AARS1: variants seen among roughly 807,000 people sequenced by gnomAD.
The protein encoded by AARS1 is alanyl-tRNA synthetase 1.
Under a neutral mutation model 108.9 loss-of-function variants are expected in AARS1, and 72 were observed. The ratio of observed to expected loss-of-function variants is 0.66; its 90% CI spans 0.55 to 0.80. The LOEUF (loss-of-function observed/expected upper bound fraction) is 0.80. AARS1 is among the 30% of genes least tolerant of loss of function. AARS1 has a pLI of 0.00. For missense variants in AARS1, 1,193 were observed against 1,233.2 expected, an observed-to-expected ratio of 0.97 and a Z score of 0.49; for synonymous variants, 489 against 465.7, an observed-to-expected ratio of 1.05 and a Z score of -0.64.
chr16:70,279,350 CAAAA>C (rs57438636), intron 2 of AARS1, among the ~76,000 whole-genome samples: 28 of 37,802 alleles, frequency 7.4e-4, no homozygotes, highest in African/African-American at 3.2e-3. Context: ...AACTTCATCT[CAAAA>C]AAAAAAAAAA....
Position 70,268,258 on chromosome 16 carries a change from G to T in AARS1, c.1071+13C>A. On this transcript the variant is annotated intron_variant, in intron 8 of 20. Transcript: ENST00000261772. ...GCTTTAGCACAGAAGGGTAAGCAGA[G>T]AAATAAACCTACCAGGGACTGGACG... The T allele has an allele frequency of 6.2e-7, 1 of 1,611,172 alleles. No homozygotes were observed. Among genetic ancestry groups the T allele is most frequent in the Non-Finnish European group, 8.5e-7 (1 of 1,177,304 alleles).
intron 1 of AARS1, among the ~76,000 whole-genome samples, chr16:70,283,158 G>A (rs1960746094): frequency 6.6e-6 from 1 of 152,180 alleles, no homozygotes; most frequent in South Asian, 2.1e-4. Flanking sequence ...CAACACTTTG[G>A]GAGGGCAAGG....
At chr16:70,269,496 T>G (rs1213192213) in intron 7 of AARS1, 122 bp downstream of exon 7, 4 of 1,422,282 alleles carry the variant, frequency 2.8e-6, no homozygotes, top group Non-Finnish European at 3.8e-6. Flanking sequence ...ATCACGCCAT[T>G]GTACTCCAGC....
chr16:70,276,765 G>A (rs1343608775), intron 3 of AARS1, 134 bp from the exon 4 acceptor site: 7 of 1,224,278 alleles, frequency 5.7e-6, no homozygotes, highest in Non-Finnish European at 1.2e-6. Flanking sequence ...ATCAGTTTAT[G>A]TAAGAAATCC....
intron 13 of AARS1, among the ~76,000 whole-genome samples, 167 bp downstream of exon 13, chr16:70,260,877 T>C (rs999179504): frequency 2.0e-5 from 3 of 152,086 alleles, no homozygotes; most frequent in Non-Finnish European, 4.4e-5. Flanking sequence ...TTAGCCAGGA[T>C]GGTCTCGATC....
At chr16:70,264,117 G>A (rs557947388) in intron 11 of AARS1, among the ~76,000 whole-genome samples, 10 of 151,356 alleles carry the variant, frequency 6.6e-5, no homozygotes, top group South Asian at 2.1e-4. Context: ...GTGGTGGTGC[G>A]TGGCTGTAAT....
At chr16:70,274,235 G>A (rs959382904) in intron 4 of AARS1, among the ~76,000 whole-genome samples, 1 of 151,706 alleles carries the variant, frequency 6.6e-6, no homozygotes, top group African/African-American at 2.4e-5. Flanking sequence ...CAGCTACTCG[G>A]GAGGCTGAGA....
In AARS1 at chr16:70,253,912, G is replaced by A; in HGVS notation, c.2520+7C>T. Reference sequence around the variant, plus strand: ...ACACTCTGGCCACTGGTGCTGCCAGGACTCACTCGTTTCTGGACATCGGCT... The same window carrying A: ...ACACTCTGGCCACTGGTGCTGCCAGAACTCACTCGTTTCTGGACATCGGCT... On this transcript the variant is annotated splice_region_variant and intron_variant, in intron 18 of 20. Coordinates refer to ENST00000261772, the MANE Select transcript of AARS1 (RefSeq NM_001605.3). 2.5e-6 allele frequency: 4 copies of A among 1,614,214 alleles called. No individual in the cohort carries two copies. Among genetic ancestry groups the A allele is most frequent in the Non-Finnish European group, 2.5e-6 (3 of 1,180,046 alleles).
At chr16:70,263,198 T>A (rs566274676) in intron 11 of AARS1, among the ~76,000 whole-genome samples, 2 of 151,756 alleles carry the variant, frequency 1.3e-5, no homozygotes, top group Admixed American at 1.3e-4. Flanking sequence ...TCTTTAAGAG[T>A]AGTAATAAAT....
rs773483658 is a variant in AARS1 at position 70,258,207 on chromosome 16, G to A, written c.2003C>T (p.Thr668Ile). ...EMIEAAKAVY[T>I]QDCPLAAAKA... ...CGCTGCTGCCAGGGGGCAATCCTGG[G>A]TATAGACGGCCTGCCAGACCAAGAA... Residue 668 changes from threonine (T) to isoleucine (I), a missense_variant, in exon 15 of 21, where the codon ACC becomes ATC. Coordinates refer to ENST00000261772, the MANE Select transcript of AARS1 (RefSeq NM_001605.3). The A allele has an allele frequency of 3.1e-6, 5 of 1,593,402 alleles. No individual in the cohort carries two copies. Among genetic ancestry groups the A allele is most frequent in the Admixed American group, 1.7e-5 (1 of 57,326 alleles).
chr16:70,274,295 C>T (rs1471511998), intron 4 of AARS1, among the ~76,000 whole-genome samples: 9 of 150,612 alleles, frequency 6.0e-5, no homozygotes, highest in Admixed American at 1.3e-4. Context: ...GAGCCAAGAT[C>T]GCACCATCAC....
At chr16:70,276,920 G>C in intron 3 of AARS1, 46 bp downstream of exon 3, 2 of 1,597,646 alleles carry the variant, frequency 1.3e-6, no homozygotes, top group Non-Finnish European at 1.7e-6. Flanking sequence ...GTGTGGAAAA[G>C]ACCATTTTCC....
chr16:70,276,333 C>T, intron 4 of AARS1, 153 bp downstream of exon 4: 1 of 830,834 alleles, frequency 1.2e-6, no homozygotes, highest in Non-Finnish European at 2.0e-6. Context: ...CTCCTGGGTT[C>T]AAGCGATTCT....
At chr16:70,256,438 T>C (rs1283583241) in intron 15 of AARS1, among the ~76,000 whole-genome samples, 2 of 152,062 alleles carry the variant, frequency 1.3e-5, no homozygotes, top group Non-Finnish European at 2.9e-5. Context: ...CCAAGTAGCT[T>C]GGATACAGGT....
rs778226080 is a variant in AARS1, at chr16:70,258,088, C to A, written c.2122G>T (p.Asp708Tyr). The A allele has an allele frequency of 6.2e-7, 1 of 1,614,112 alleles. No homozygotes were observed. Among genetic ancestry groups the A allele is most frequent in the South Asian group, 1.1e-5 (1 of 91,068 alleles). The change falls in exon 15 of 21, where the codon GAT (aspartate) becomes TAT (tyrosine). Residue 708 changes from aspartate to tyrosine, a missense_variant. Coordinates refer to ENST00000261772, the MANE Select transcript of AARS1 (RefSeq NM_001605.3). ...GAGCCAGCAGGCCCAGAGGGGTCAT[C>A]CAGCAACTCGGACACCGGGACCCCA... is the stretch of plus-strand genomic sequence containing the variant. ...SIGVPVSELLDDPSGPAGSLT... is the reference protein window; with the variant it reads ...SIGVPVSELLYDPSGPAGSLT...
chr16:70,265,340 T>G, intron 10 of AARS1, 198 bp downstream of exon 10: 1 of 995,844 alleles, frequency 1.0e-6, no homozygotes, highest in Non-Finnish European at 1.5e-6. Context: ...TGCCCCTAGT[T>G]GTGAAAATCA....
At chr16:70,265,366 A>G in intron 10 of AARS1, 172 bp downstream of exon 10, 1 of 1,107,156 alleles carries the variant, frequency 9.0e-7, no homozygotes, top group Non-Finnish European at 1.4e-6. Context: ...GTCTTCAGAC[A>G]TTATCGCCAA....
chr16:70,260,793 G>A (rs1406072367), intron 13 of AARS1, among the ~76,000 whole-genome samples: 1 of 152,062 alleles, frequency 6.6e-6, no homozygotes, highest in East Asian at 1.9e-4. Context: ...CTCCCGAGTA[G>A]CTGGGACTAT....
At chr16:70,285,287 G>A (rs930106406) in intron 1 of AARS1, among the ~76,000 whole-genome samples, 1 of 151,356 alleles carries the variant, frequency 6.6e-6, no homozygotes, top group African/African-American at 2.4e-5. Context: ...CTTTTAAGTT[G>A]TTTAGCTGAA....
Sources: gnomAD v4.1 joint callset for allele counts (sites outside exome capture counted in the v4.1 genomes callset) on GRCh38, gnomAD v4.1.1 for gene constraint, MANE v1.5 for transcripts, NCBI Gene and HGNC (gene_info 2026-07-23, HGNC 2026-07-21) for gene names.